The following TENM4 variants were observed in gnomAD, a reference collection of about 807,000 sequenced individuals.
TENM4 encodes the protein teneurin transmembrane protein 4.
In TENM4, 82 loss-of-function variants were observed where a neutral mutation model predicts 243.3. The ratio of observed to expected loss-of-function variants is 0.34; its 90% CI spans 0.28 to 0.40. TENM4 has a LOEUF of 0.40. TENM4 is among the 10% of genes least tolerant of loss of function. The pLI is 1.00. For synonymous variants in TENM4, 1,412 were observed against 1,456.3 expected, an observed-to-expected ratio of 0.97 and a Z score of 0.69; for missense variants, 3,138 against 3,673.3, an observed-to-expected ratio of 0.85 and a Z score of 3.77.
Position 78,732,514 on chromosome 11 carries a change from G to C in TENM4, c.2940C>G (p.Ile980Met), listed in dbSNP as rs1300944999. ...IILRFERAPF[I>M]TQEHTLWLPW... ...GCAGCCACAGGGTGTGCTCCTGTGT[G>C]ATGAAAGGTGCCCGCTCGAACCGCA... Residue 980 changes from isoleucine (I) to methionine (M), a missense_variant, in exon 21 of 34, where the codon ATC (isoleucine) becomes ATG (methionine). By Grantham distance (10) the Ile-to-Met change is conservative (BLOSUM62 1). Coordinates refer to ENST00000278550, the MANE Select transcript of TENM4 (RefSeq NM_001098816.3). The C allele has an allele frequency of 6.2e-7, 1 of 1,613,556 alleles. No homozygotes were observed. Among genetic ancestry groups the C allele is most frequent in the Non-Finnish European group, 8.5e-7 (1 of 1,179,706 alleles).
intron 2 of TENM4, among the ~76,000 whole-genome samples, chr11:79,249,942 T>G (rs1445269889): frequency 6.6e-6 from 1 of 152,222 alleles, no homozygotes; most frequent in Non-Finnish European, 1.5e-5. Flanking sequence ...ACTTTTATTG[T>G]GCATCAGTGA....
At chr11:78,878,808 T>C (rs1224251060) in intron 9 of TENM4, among the ~76,000 whole-genome samples, 2 of 152,174 alleles carry the variant, frequency 1.3e-5, no homozygotes, top group African/African-American at 4.8e-5. Context: ...CTTTCTAAAA[T>C]AATCCAGATA....
At chr11:78,861,793 G>A (rs1242112058) in intron 10 of TENM4, among the ~76,000 whole-genome samples, 1 of 152,356 alleles carries the variant, frequency 6.6e-6, no homozygotes, top group Non-Finnish European at 1.5e-5. Context: ...TCAACTGAGA[G>A]AAAAGAAGAT....
chr11:79,040,031 A>AT (rs1249790870), intron 6 of TENM4, among the ~76,000 whole-genome samples: 1 of 76,524 alleles, frequency 1.3e-5, no homozygotes, highest in African/African-American at 3.1e-5. Context: ...AGGCAAAATG[A>AT]TTAAAAAAAA....
intron 1 of TENM4, among the ~76,000 whole-genome samples, chr11:79,347,336 C>T (rs768763752): frequency 6.6e-6 from 1 of 152,224 alleles, no homozygotes; most frequent in Non-Finnish European, 1.5e-5. Context: ...ATACCAAACC[C>T]TCATGGCTTC....
intron 3 of TENM4, among the ~76,000 whole-genome samples, chr11:79,194,212 TGTAAGTCC>T (rs1171100786): frequency 6.6e-6 from 1 of 152,030 alleles, no homozygotes; most frequent in Non-Finnish European, 1.5e-5. Flanking sequence ...CATGTGGAAC[TGTAAGTCC>T]AATTAAACCT....
intron 3 of TENM4, among the ~76,000 whole-genome samples, chr11:79,182,878 A>G (rs1427184109): frequency 3.9e-5 from 6 of 152,256 alleles, no homozygotes; most frequent in Non-Finnish European, 7.3e-5. Context: ...CTAACCTATT[A>G]GAATGGCAAA....
At chr11:78,713,781 C>T (rs140076868) in intron 25 of TENM4, among the ~76,000 whole-genome samples, 118 of 152,238 alleles carry the variant, frequency 7.8e-4, no homozygotes, top group African/African-American at 2.6e-3. Flanking sequence ...GAGATGACTA[C>T]GTAGTAGATA....
intron 18 of TENM4, among the ~76,000 whole-genome samples, chr11:78,762,352 A>C (rs770545935): frequency 4.9e-4 from 75 of 152,334 alleles, no homozygotes; most frequent in Non-Finnish European, 8.8e-4. Context: ...CGCACATTAC[A>C]TGACAACCCT....
chr11:78,890,021 C>T lies in TENM4; in HGVS notation c.849-1G>A. On this transcript the variant is annotated splice_acceptor_variant, in intron 8 of 33. Transcript: ENST00000278550. LOFTEE classifies it high-confidence loss of function. ...GCCTCCAGGCTTGAAGAGGAAGTGC[C>T]TGCAGATGGAGAGCAGCAAGAGGGT... The T allele has an allele frequency of 6.5e-7, 1 of 1,531,792 alleles. No individual in the cohort carries two copies. The highest frequency in any genetic ancestry group is 8.8e-7 in the Non-Finnish European group (1 of 1,134,006). The allele number at this position is 1,531,792 out of a possible 1,614,324, so 94.9% of individuals were successfully genotyped here.
chr11:79,217,629 C>G (rs4469919), intron 2 of TENM4, among the ~76,000 whole-genome samples: 1 of 152,120 alleles, frequency 6.6e-6, no homozygotes, highest in Non-Finnish European at 1.5e-5. Flanking sequence ...AAGAGTAACT[C>G]TATTAGGCAG....
chr11:78,935,360 G>A (rs1856762583), intron 6 of TENM4, among the ~76,000 whole-genome samples: 1 of 152,162 alleles, frequency 6.6e-6, no homozygotes, highest in East Asian at 1.9e-4. Flanking sequence ...AAAAAGGAAG[G>A]GGAAGAAGGG....
At chr11:78,920,865 C>G (rs1200958849) in intron 6 of TENM4, among the ~76,000 whole-genome samples, 3 of 152,160 alleles carry the variant, frequency 2.0e-5, no homozygotes, top group African/African-American at 7.2e-5. Flanking sequence ...TCAGGTCAAC[C>G]AAAGAGTGCA....
At chr11:78,932,488 T>C (rs1856692257) in intron 6 of TENM4, among the ~76,000 whole-genome samples, 1 of 151,310 alleles carries the variant, frequency 6.6e-6, no homozygotes, top group South Asian at 2.1e-4. Flanking sequence ...GATCTCTGAC[T>C]ACTCTCTGGA....
chr11:78,961,949 C>G (rs1053961131), intron 6 of TENM4, among the ~76,000 whole-genome samples: 1 of 152,152 alleles, frequency 6.6e-6, no homozygotes, highest in African/African-American at 2.4e-5. Context: ...CCCTCCAACT[C>G]TTGCACACTC....
At chr11:79,285,533 T>C (rs1322125729) in intron 2 of TENM4, among the ~76,000 whole-genome samples, 2 of 152,182 alleles carry the variant, frequency 1.3e-5, no homozygotes, top group African/African-American at 4.8e-5. Context: ...CTGAAATTTA[T>C]GTCCACATAA....
intron 2 of TENM4, among the ~76,000 whole-genome samples, chr11:79,223,886 G>T (rs938675335): frequency 6.6e-6 from 1 of 152,150 alleles, no homozygotes; most frequent in Non-Finnish European, 1.5e-5. Context: ...ATTATTTCTG[G>T]CTCTCTACTT....
At chr11:78,919,667 A>G (rs1478447879) in intron 6 of TENM4, among the ~76,000 whole-genome samples, 3 of 152,184 alleles carry the variant, frequency 2.0e-5, no homozygotes, top group African/African-American at 7.2e-5. Flanking sequence ...GGAGGGATTC[A>G]TTAAGACGTC....
chr11:79,119,474 A>G (rs1861694495), intron 4 of TENM4, among the ~76,000 whole-genome samples: 1 of 152,322 alleles, frequency 6.6e-6, no homozygotes, highest in South Asian at 2.1e-4. Context: ...AAGGATAATC[A>G]AGGAAAGAAA....
Sources: gnomAD v4.1 joint callset for allele counts (sites outside exome capture counted in the v4.1 genomes callset) on GRCh38, gnomAD v4.1.1 for gene constraint, MANE v1.5 for transcripts, NCBI Gene and HGNC (gene_info 2026-07-23, HGNC 2026-07-21) for gene names.